The following ABCA6 variants were observed in gnomAD, a reference collection of about 807,000 sequenced individuals.
ABCA6 encodes ATP binding cassette subfamily A member 6, also known as ATP-binding cassette sub-family A member 6.
A neutral mutation model predicts 191.2 loss-of-function variants in ABCA6; 164 were observed. That is an observed-to-expected ratio of 0.86 (90% CI 0.76 to 0.98). The LOEUF (loss-of-function observed/expected upper bound fraction) is 0.98. ABCA6 is among the 50% of genes least tolerant of loss of function. ABCA6 has a pLI of 0.00. For missense variants in ABCA6, 1,958 were observed against 1,894.1 expected (o/e 1.03, Z -0.63); for synonymous variants, 636 against 647.7 (o/e 0.98, Z 0.27).
Position 69,105,634 on chromosome 17 carries a change from CAATA to C in ABCA6, c.2574-10_2574-7del. The C allele has an allele frequency of 6.9e-7, 1 of 1,455,820 alleles. No individual in the cohort carries two copies. The highest frequency in any genetic ancestry group is 1.2e-5 in the South Asian group (1 of 81,290). 90.2% of individuals were successfully genotyped at this position (1,455,820 alleles called of 1,614,324 possible). A position where few individuals can be genotyped will look rare whatever the true frequency, so the allele number is the denominator to read the frequency against. ...CGATTCCAAATACCAATAATCTAAA[CAATA>C]AAGAAAAATTAGCATATTAATCTCC... On this transcript the variant is annotated splice_region_variant and splice_polypyrimidine_tract_variant and intron_variant, in intron 19 of 38. Coordinates refer to ENST00000284425, the MANE Select transcript of ABCA6 (RefSeq NM_080284.3).
At chr17:69,116,772 A>G (rs1412942486) in intron 11 of ABCA6, among the ~76,000 whole-genome samples, 1 of 152,094 alleles carries the variant, frequency 6.6e-6, no homozygotes, top group Non-Finnish European at 1.5e-5. Flanking sequence ...TGAGGAAGGA[A>G]GAGGAGGCTA....
intron 22 of ABCA6, among the ~76,000 whole-genome samples, chr17:69,099,302 T>A: frequency 6.6e-6 from 1 of 152,140 alleles, no homozygotes; most frequent in East Asian, 1.9e-4. Flanking sequence ...CTTTGAGGGC[T>A]ATGTCTATAA....
intron 2 of ABCA6, among the ~76,000 whole-genome samples, chr17:69,139,081 C>A (rs913936270): frequency 8.5e-5 from 13 of 152,214 alleles, no homozygotes; most frequent in African/African-American, 1.4e-4. Flanking sequence ...GCAACAAAAG[C>A]TAAAATTGAC....
intron 8 of ABCA6, among the ~76,000 whole-genome samples, chr17:69,125,620 T>C (rs964101990): frequency 2.0e-5 from 3 of 152,234 alleles, no homozygotes; most frequent in East Asian, 1.9e-4. Flanking sequence ...CACAGCGAAG[T>C]TGAGTAGCCA....
rs773964580 is a variant in ABCA6, at chr17:69,128,678, A to T, written c.1060T>A (p.Ser354Thr). 2 of 1,613,572 alleles carry T rather than the reference A, an allele frequency of 1.2e-6. No individual in the cohort carries two copies. The change falls in exon 8 of 39, where the codon TCT becomes ACT. Residue 354 changes from serine (S) to threonine (T), a missense_variant. Transcript: ENST00000284425. ...CAAATATTCAAAATCCACTCCAGAG[A>T]TGAAGGAAGTTGTTCATAAAATACA... ...FTVFYEQLPS[S>T]LEWILNICSP...
chr17:69,134,218 G>A (rs555970691), intron 5 of ABCA6, among the ~76,000 whole-genome samples: 1 of 152,178 alleles, frequency 6.6e-6, no homozygotes, highest in Non-Finnish European at 1.5e-5. Flanking sequence ...CGGTTTGAAA[G>A]TGGCCCCTCC....
chr17:69,130,095 C>T (rs2073834823), intron 6 of ABCA6, among the ~76,000 whole-genome samples: 1 of 152,026 alleles, frequency 6.6e-6, no homozygotes, highest in African/African-American at 2.4e-5. Flanking sequence ...GTGGGCAGAT[C>T]ATTTGAGGTC....
intron 16 of ABCA6, 104 bp from the exon 17 acceptor site, chr17:69,111,044 C>T (rs1648997323): frequency 7.3e-6 from 8 of 1,093,308 alleles, no homozygotes; most frequent in East Asian, 5.2e-5. Flanking sequence ...CTTTACTTGG[C>T]TTTATGGAAC....
chr17:69,100,598 T>C (rs1188310795), intron 22 of ABCA6, among the ~76,000 whole-genome samples, 199 bp downstream of exon 22: 2 of 151,048 alleles, frequency 1.3e-5, no homozygotes, highest in Non-Finnish European at 3.0e-5. Flanking sequence ...TTGAAAAGTA[T>C]TCCCTCACGA....
chr17:69,113,030 G>T, intron 15 of ABCA6, 192 bp downstream of exon 15: 1 of 488,772 alleles, frequency 2.0e-6, no homozygotes, highest in Non-Finnish European at 3.2e-6. Flanking sequence ...TTTTTCATTA[G>T]TTGTCACTAC....
rs1277511316 is a variant in ABCA6 at position 69,091,152 on chromosome 17, A to G, written c.3519T>C (p.Phe1173=). 8.7e-6 allele frequency: 14 copies of G among 1,608,386 alleles called. No homozygotes were observed. Among genetic ancestry groups the G allele is most frequent in the African/African-American group, 4.0e-5 (3 of 74,710 alleles). The change falls in exon 26 of 39, where the codon TTT becomes TTC. Residue 1173 remains phenylalanine, a synonymous_variant. Transcript: ENST00000284425. ...TGGTAACATTTCTTACCACTTCCAAAAAAGTTTTAAATCCAAGCAAGGTAT... is the reference window on the plus strand; with the variant it reads ...TGGTAACATTTCTTACCACTTCCAAGAAAGTTTTAAATCCAAGCAAGGTAT... ...PSYTLLGFKT[F]LEVRDQEHYR...
chr17:69,089,538 T>A lies in ABCA6; in HGVS notation c.3533A>T (p.Asp1178Val). 1 of 1,612,740 alleles carries A rather than the reference T, an allele frequency of 6.2e-7. No individual in the cohort carries two copies. The change falls in exon 27 of 39, where the codon GAC becomes GTC. Residue 1178 changes from aspartate (D) to valine (V), a missense_variant. Transcript: ENST00000284425. Reference sequence around the variant, plus strand: ...TGGAAATTCTCTGTAGTGCTCCTGGTCTCTCTGAAAAGACAAAACAAAACA... The same window carrying A: ...TGGAAATTCTCTGTAGTGCTCCTGGACTCTCTGAAAAGACAAAACAAAACA... The part of the protein sequence containing the change: ...LGFKTFLEVR[D>V]QEHYREFPEA...
At chr17:69,123,193 T>A (rs765413525) in intron 10 of ABCA6, 46 bp downstream of exon 10, 2 of 1,238,818 alleles carry the variant, frequency 1.6e-6, no homozygotes, top group South Asian at 5.3e-5. Context: ...ATAATAATTC[T>A]TCAGCCTTGT....
intron 12 of ABCA6, among the ~76,000 whole-genome samples, 182 bp downstream of exon 12, chr17:69,115,191 GATA>G (rs761007896): frequency 1.3e-5 from 2 of 151,994 alleles, no homozygotes; most frequent in Non-Finnish European, 2.9e-5. Flanking sequence ...ATGGAATAAA[GATA>G]ATAATTTTTA....
intron 9 of ABCA6, among the ~76,000 whole-genome samples, chr17:69,124,412 T>C (rs1352795792): frequency 6.6e-6 from 1 of 152,108 alleles, no homozygotes; most frequent in Admixed American, 6.6e-5. Context: ...ATAATTTAAC[T>C]GGGCGATCAA....
At chr17:69,118,499 C>T (rs567983664) in intron 10 of ABCA6, among the ~76,000 whole-genome samples, 23 of 152,044 alleles carry the variant, frequency 1.5e-4, no homozygotes, top group Admixed American at 7.2e-4. Flanking sequence ...CACTTCCTGA[C>T]CTTTAATTCC....
intron 17 of ABCA6, chr17:69,108,611 T>C (rs888398923): frequency 3.3e-5 from 5 of 152,176 alleles, no homozygotes; most frequent in Admixed American, 3.3e-4. Context: ...TACACATTTA[T>C]TGGGTAACTC....
Position 69,136,093 on chromosome 17 carries a change from T to A in ABCA6, c.459A>T (p.Ser153=). 6.2e-7 allele frequency: 1 copy of A among 1,609,196 alleles called. No homozygotes were observed. The highest frequency in any genetic ancestry group is 8.5e-7 in the Non-Finnish European group (1 of 1,177,042). ...ATGATATTTGATATGGAAAGTCACC[T>A]GAGAAATCTTCTTTCCAAAGTGGAC... ...YNSPLWKEDF[S]AHCWDGYGEF... is the part of the protein sequence containing the mutation. The change falls in exon 4 of 39, where the codon TCA becomes TCT. Residue 153 remains serine (S), a splice_region_variant and synonymous_variant. Coordinates refer to ENST00000284425, the MANE Select transcript of ABCA6 (RefSeq NM_080284.3).
chr17:69,083,144 G>C, intron 35 of ABCA6, 68 bp downstream of exon 35: 1 of 1,562,140 alleles, frequency 6.4e-7, no homozygotes, highest in Non-Finnish European at 8.6e-7. Context: ...CCACACACAG[G>C]GATTTTTGCC....
Sources: gnomAD v4.1 joint callset for allele counts (sites outside exome capture counted in the v4.1 genomes callset) on GRCh38, gnomAD v4.1.1 for gene constraint, MANE v1.5 for transcripts, NCBI Gene and HGNC (gene_info 2026-07-23, HGNC 2026-07-21) for gene names.